The following MICAL3 variants were observed in gnomAD, a reference collection of about 807,000 sequenced individuals.
MICAL3 encodes the protein microtubule associated monooxygenase, calponin and LIM domain containing 3.
A neutral mutation model predicts 207.4 loss-of-function variants in MICAL3; 62 were observed. That is an observed-to-expected ratio of 0.30 (90% CI 0.24 to 0.37). MICAL3 has a LOEUF of 0.37. MICAL3 is among the 10% of genes least tolerant of loss of function. MICAL3 has a pLI of 1.00. For missense variants in MICAL3, 2,368 were observed against 2,635.6 expected, an observed-to-expected ratio of 0.90 and a Z score of 2.22; for synonymous variants, 1,077 against 1,069.3, an observed-to-expected ratio of 1.01 and a Z score of -0.14.
intron 1 of MICAL3, among the ~76,000 whole-genome samples, chr22:17,976,587 A>ATTTTTTTTT (rs1204825142): frequency 1.2e-5 from 1 of 80,302 alleles, no homozygotes; most frequent in Admixed American, 1.9e-4. Flanking sequence ...ATATATATAT[A>ATTTTTTTTT]TATTTTTTTT....
intron 9 of MICAL3, 81 bp from the exon 10 acceptor site, chr22:17,895,491 CGCA>C (rs1324742519): frequency 6.6e-7 from 1 of 1,508,280 alleles, no homozygotes; most frequent in African/African-American, 1.4e-5. Flanking sequence ...GTTCTGACAG[CGCA>C]GCAAGTCACC....
chr22:18,021,628 G>C (rs978648496), intron 1 of MICAL3, among the ~76,000 whole-genome samples: 1 of 152,250 alleles, frequency 6.6e-6, no homozygotes, highest in African/African-American at 2.4e-5. Context: ...GGGTTGCTTG[G>C]AGGGAGTGGG....
At chr22:17,955,043 C>A (rs1934548093) in intron 1 of MICAL3, among the ~76,000 whole-genome samples, 1 of 151,932 alleles carries the variant, frequency 6.6e-6, no homozygotes, top group African/African-American at 2.4e-5. Flanking sequence ...TTTTTAACTA[C>A]TTACTAGCTG....
intron 29 of MICAL3, among the ~76,000 whole-genome samples, chr22:17,801,907 AAACAAC>A (rs375062155): frequency 2.6e-5 from 4 of 151,690 alleles, no homozygotes; most frequent in South Asian, 2.1e-4. Flanking sequence ...AAAAACAAAC[AAACAAC>A]AACAACAACA....
intron 29 of MICAL3, among the ~76,000 whole-genome samples, chr22:17,801,668 C>T (rs541961970): frequency 7.9e-5 from 12 of 151,028 alleles, no homozygotes; most frequent in African/African-American, 2.7e-4. Context: ...CTGAGGCGGG[C>T]GGATCACCTG....
intron 21 of MICAL3, among the ~76,000 whole-genome samples, chr22:17,829,449 A>AT (rs1373769085): frequency 1.3e-5 from 2 of 152,190 alleles, no homozygotes; most frequent in Non-Finnish European, 2.9e-5. Flanking sequence ...GATTACAGGC[A>AT]TGAGCCACTG....
chr22:17,896,675 C>T, intron 8 of MICAL3, 49 bp downstream of exon 8: 1 of 1,585,072 alleles, frequency 6.3e-7, no homozygotes, highest in Non-Finnish European at 8.6e-7. Flanking sequence ...AGATTCACTC[C>T]TAATTATTCC....
intron 25 of MICAL3, among the ~76,000 whole-genome samples, chr22:17,820,754 T>C (rs1471857115): frequency 6.6e-6 from 1 of 151,010 alleles, no homozygotes; most frequent in Non-Finnish European, 1.5e-5. Flanking sequence ...ATTGCTTTAA[T>C]TTAAACAAAT....
At chr22:17,929,998 AAAAACG>A (rs1391051196) in intron 1 of MICAL3, among the ~76,000 whole-genome samples, 1 of 152,254 alleles carries the variant, frequency 6.6e-6, no homozygotes, top group Admixed American at 6.5e-5. Flanking sequence ...ACACCAAAGG[AAAAACG>A]GGCAGAAGAT....
intron 29 of MICAL3, among the ~76,000 whole-genome samples, chr22:17,805,762 CTT>C (rs2061982966): frequency 6.6e-6 from 1 of 152,230 alleles, no homozygotes; most frequent in Admixed American, 6.5e-5. Context: ...GAGTTTCGCT[CTT>C]GTTGCCCAGG....
chr22:17,961,526 A>G (rs78655321), intron 1 of MICAL3, among the ~76,000 whole-genome samples: 2,457 of 151,664 alleles, frequency 0.016, 45 homozygotes, highest in African/African-American at 0.041. Flanking sequence ...TCCCTAAGCG[A>G]AGGGGCACAT....
chr22:17,810,370 GT>G (rs71317108), intron 28 of MICAL3, among the ~76,000 whole-genome samples: 1 of 151,852 alleles, frequency 6.6e-6, no homozygotes, highest in Non-Finnish European at 1.5e-5. Flanking sequence ...GCCAATTTTT[GT>G]TTTTTTAGTA....
At chr22:17,805,634 C>T (rs2061982030) in intron 29 of MICAL3, among the ~76,000 whole-genome samples, 1 of 152,234 alleles carries the variant, frequency 6.6e-6, no homozygotes, top group Admixed American at 6.5e-5. Context: ...CCCTAAGGTT[C>T]TTCCAAAGGC....
At position 17,796,121 on chromosome 22, in the gene MICAL3, C is replaced by T. The variant is rs184307060; in HGVS notation, c.5651-4820G>A. Among the ~76,000 whole-genome samples the T allele has an allele frequency of 6.6e-6, 1 of 152,326 alleles. No individual in the cohort carries two copies. Among genetic ancestry groups the T allele is most frequent in the African/African-American group, 2.4e-5 (1 of 41,574 alleles). On this transcript the variant is annotated intron_variant, in intron 29 of 31. Transcript: ENST00000441493. This position sits in a 1 kb window ranked among gnomAD's most constrained non-coding sequence, Gnocchi z 4.4. ...TCCTGCGTGCCCTGGGCGCTGGCCACCCCTCCTGAGCTCCCGAGCAGTGAG... is the reference window on the plus strand; with the variant it reads ...TCCTGCGTGCCCTGGGCGCTGGCCATCCCTCCTGAGCTCCCGAGCAGTGAG...
chr22:17,940,923 C>T (rs1933776565), intron 1 of MICAL3, among the ~76,000 whole-genome samples: 1 of 152,132 alleles, frequency 6.6e-6, no homozygotes, highest in South Asian at 2.1e-4. Context: ...TATCAGAGCC[C>T]TGGGTAGAAT....
At chr22:17,888,886 C>T (rs1930156360) in intron 13 of MICAL3, 148 bp downstream of exon 13, 2 of 567,226 alleles carry the variant, frequency 3.5e-6, no homozygotes, top group Non-Finnish European at 6.3e-6. Context: ...AAGCAAAGCT[C>T]CAGAGATTTC....
intron 1 of MICAL3, among the ~76,000 whole-genome samples, chr22:18,008,823 G>C (rs447488): frequency 6.6e-6 from 1 of 151,424 alleles, no homozygotes; most frequent in East Asian, 1.9e-4. Context: ...CCGTAGTCCC[G>C]GCACTTTGGG....
intron 1 of MICAL3, among the ~76,000 whole-genome samples, chr22:18,016,544 T>G (rs1008367316): frequency 2.0e-5 from 3 of 152,218 alleles, no homozygotes; most frequent in Non-Finnish European, 4.4e-5. Context: ...GCAATCACTC[T>G]TCTATTTTCT....
At chr22:17,821,986 G>A (rs200348985) in intron 24 of MICAL3, 44 bp downstream of exon 24, 34 of 1,603,638 alleles carry the variant, frequency 2.1e-5, no homozygotes, top group Middle Eastern at 1.7e-4. Flanking sequence ...TATGGCCCTC[G>A]TAGGAATTCT....
Sources: allele counts gnomAD v4.1 joint callset (sites outside exome capture counted in the v4.1 genomes callset), GRCh38; gene constraint gnomAD v4.1.1; non-coding constraint Gnocchi (gnomAD v3.1); transcripts MANE v1.5; gene names NCBI Gene and HGNC (gene_info 2026-07-23, HGNC 2026-07-21).